Variants in FKBP1B observed in about 807,000 individuals in gnomAD.
FKBP1B encodes the protein FKBP prolyl isomerase 1B.
FKBP1B carries 4 observed loss-of-function variants against 13.5 expected under a neutral mutation model. The observed-to-expected ratio is 0.30, with a 90% confidence interval of 0.15 to 0.68. FKBP1B has a LOEUF of 0.68. FKBP1B is among the 30% of genes least tolerant of loss of function. FKBP1B has a pLI of 0.76. For synonymous variants in FKBP1B, 54 were observed against 53.6 expected (o/e 1.01, Z -0.03); for missense variants, 93 against 136.2 (o/e 0.68, Z 1.58).
At chr2:24,056,616 A>C (rs992413035) in intron 2 of FKBP1B, among the ~76,000 whole-genome samples, 1 of 151,866 alleles carries the variant, frequency 6.6e-6, no homozygotes, top group African/African-American at 2.4e-5. Flanking sequence ...GCACCTTTTC[A>C]TGTGCCTACT....
At position 24,063,132 on chromosome 2, in the gene FKBP1B, C is replaced by G. The variant is rs148388923; in HGVS notation, c.267C>G (p.Pro89=). Residue 89 remains proline (P), a synonymous_variant, in exon 4 of 4, where the codon CCC becomes CCG. Coordinates refer to ENST00000380986, the MANE Select transcript of FKBP1B (RefSeq NM_004116.5). ...PDVAYGATGH[P]GVIPPNATLI... Reference sequence around the variant, plus strand: ...TGGCATATGGAGCCACGGGCCACCCCGGTGTCATCCCTCCCAATGCCACCC... The same window carrying G: ...TGGCATATGGAGCCACGGGCCACCCGGGTGTCATCCCTCCCAATGCCACCC... 3 of 1,613,424 alleles carry G rather than the reference C, an allele frequency of 1.9e-6. No homozygotes were observed. The South Asian group carries it at 3.3e-5, about 18-fold the overall frequency.
intron 1 of FKBP1B, among the ~76,000 whole-genome samples, chr2:24,051,819 A>C (rs1488995118): frequency 2.0e-4 from 31 of 152,138 alleles, no homozygotes; most frequent in Admixed American, 2.0e-3. Context: ...AGAGTCCTCT[A>C]AATATCGGCT....
rs1040049938 is a variant in FKBP1B at position 24,063,427 on chromosome 2, T to C, written c.*235T>C. 14 of 493,904 alleles carry C rather than the reference T, an allele frequency of 2.8e-5. No homozygotes were observed. The Admixed American group carries it at 3.5e-4, about 12-fold the overall frequency. The allele number at this position is 493,904 out of a possible 1,614,324, so 30.6% of individuals were successfully genotyped here. On this transcript the variant is annotated 3_prime_UTR_variant, in exon 4 of 4. Transcript: ENST00000380986. ...ATTGAAGCATTTCAGGTTGTGCATT[T>C]TGTGTGATGCATGTAGTAGCCTTTC...
chr2:24,053,977 C>T, intron 2 of FKBP1B, 28 bp downstream of exon 2: 2 of 1,608,306 alleles, frequency 1.2e-6, no homozygotes, highest in African/African-American at 1.3e-5. Context: ...AGCCCCCACC[C>T]AGTCCTTCCC....
upstream of FKBP1B, among the ~76,000 whole-genome samples, chr2:24,047,672 G>T (rs1433278497): frequency 1.3e-5 from 2 of 152,114 alleles, no homozygotes; most frequent in African/African-American, 2.4e-5. Context: ...CCCACTTCTC[G>T]TCGGTTCTCT....
chr2:24,044,604 G>C, the FKBP1B span, among the ~76,000 whole-genome samples: 1 of 152,056 alleles, frequency 6.6e-6, no homozygotes, highest in Admixed American at 6.6e-5. Context: ...TTTTAATATT[G>C]TCATCTTCGG....
At chr2:24,039,203 T>G in the FKBP1B span, 2 of 1,614,250 alleles carry the variant, frequency 1.2e-6, no homozygotes, top group South Asian at 2.2e-5. Flanking sequence ...AGCCATTTGC[T>G]TGACTCCATA....
the FKBP1B span, among the ~76,000 whole-genome samples, chr2:24,035,657 G>A: frequency 6.6e-6 from 1 of 152,130 alleles, no homozygotes; most frequent in African/African-American, 2.4e-5. Flanking sequence ...GCTCACACCT[G>A]TAATCCCAGC....
At chr2:24,036,140 T>TA in the FKBP1B span, among the ~76,000 whole-genome samples, 30 of 146,626 alleles carry the variant, frequency 2.0e-4, no homozygotes, top group East Asian at 3.9e-4. Flanking sequence ...AGCTGTGACT[T>TA]AAAAAAAAAA....
At chr2:24,049,930 G>A (rs902567159) in intron 1 of FKBP1B, 44 bp downstream of exon 1, 1 of 1,362,564 alleles carries the variant, frequency 7.3e-7, no homozygotes. Context: ...GGGGTCCCGG[G>A]GCGGAGCCCG....
At chr2:24,035,302 T>C in the FKBP1B span, among the ~76,000 whole-genome samples, 30 of 151,804 alleles carry the variant, frequency 2.0e-4, no homozygotes, top group South Asian at 5.8e-3. Context: ...TGAAAAGGTG[T>C]GTATATCACC....
At chr2:24,046,569 C>T (rs1663632704), upstream of FKBP1B, among the ~76,000 whole-genome samples, 1 of 152,164 alleles carries the variant, frequency 6.6e-6, no homozygotes, top group Non-Finnish European at 1.5e-5. Flanking sequence ...TTAAAGACAA[C>T]TCATGACGAG....
chr2:24,049,633 C>T, upstream of FKBP1B: 1 of 373,710 alleles, frequency 2.7e-6, no homozygotes, highest in Non-Finnish European at 4.7e-6. Context: ...TTCCCCCGGG[C>T]CCCGCCCCGG....
chr2:24,049,296 G>A (rs1408276471), upstream of FKBP1B, among the ~76,000 whole-genome samples: 4 of 152,162 alleles, frequency 2.6e-5, no homozygotes, highest in African/African-American at 7.2e-5. Context: ...TTGAGCCTAA[G>A]AGTTCGAGGT....
intron 3 of FKBP1B, 52 bp from the exon 4 acceptor site, chr2:24,063,012 A>G (rs1664468704): frequency 6.2e-7 from 1 of 1,613,714 alleles, no homozygotes; most frequent in Admixed American, 1.7e-5. Context: ...TTTTCTTTTA[A>G]ATCAAGCTGG....
chr2:24,056,751 C>T (rs569183314), intron 2 of FKBP1B, among the ~76,000 whole-genome samples: 6 of 152,030 alleles, frequency 3.9e-5, no homozygotes, highest in Admixed American at 2.0e-4. Context: ...AGTGCAATGG[C>T]GCAATCTTCA....
intron 3 of FKBP1B, 160 bp from the exon 4 acceptor site, chr2:24,062,904 T>C: frequency 9.3e-7 from 1 of 1,074,504 alleles, no homozygotes; most frequent in East Asian, 2.6e-5. Context: ...TTGTTAAAGC[T>C]GTTAGCACGA....
chr2:24,063,218 G>C lies in FKBP1B; in HGVS notation c.*26G>C, dbSNP rs373667270. On this transcript the variant is annotated 3_prime_UTR_variant, in exon 4 of 4. Transcript: ENST00000380986. ...AGGCAGGAAGGAACTCAAGGTGGCT[G>C]GAGATGGCTGCTGCTCACCCTCCTA... The C allele has an allele frequency of 7.1e-6, 11 of 1,556,196 alleles. No homozygotes were observed. The highest frequency in any genetic ancestry group is 5.7e-5 in the Admixed American group (3 of 52,572).
intron 2 of FKBP1B, among the ~76,000 whole-genome samples, chr2:24,057,649 AGGCGTGAGCCACC>A (rs1373360456): frequency 6.6e-6 from 1 of 151,968 alleles, no homozygotes; most frequent in Non-Finnish European, 1.5e-5. Flanking sequence ...CTGGGATTAC[AGGCGTGAGCCACC>A]GGGCCCGGCC....
Sources: allele counts gnomAD v4.1 joint callset (sites outside exome capture counted in the v4.1 genomes callset), GRCh38; gene constraint gnomAD v4.1.1; transcripts MANE v1.5; gene names NCBI Gene and HGNC (gene_info 2026-07-23, HGNC 2026-07-21).